GRAMD1B: variants seen among roughly 807,000 people sequenced by gnomAD.
GRAMD1B encodes protein Aster-B.
A neutral mutation model predicts 99.7 loss-of-function variants in GRAMD1B; 37 were observed. That is an observed-to-expected ratio of 0.37 (90% CI 0.29 to 0.49). GRAMD1B has a LOEUF of 0.49. GRAMD1B is among the 20% of genes least tolerant of loss of function. The pLI is 0.98. For missense variants in GRAMD1B, 888 were observed against 1,009.2 expected (o/e 0.88, Z 1.63); for synonymous variants, 427 against 387.6 (o/e 1.10, Z -1.19).
chr11:123,615,207 A>G (rs1954188760), intron 17 of GRAMD1B, among the ~76,000 whole-genome samples: 1 of 152,200 alleles, frequency 6.6e-6, no homozygotes, highest in African/African-American at 2.4e-5. Context: ...CCTTCATTAG[A>G]TGTTCTGGGT....
At chr11:123,578,700 G>T (rs902711521) in intron 3 of GRAMD1B, among the ~76,000 whole-genome samples, 2 of 152,176 alleles carry the variant, frequency 1.3e-5, no homozygotes, top group Non-Finnish European at 2.9e-5. Context: ...ACTGCCTCTG[G>T]CTGGGAGTTT....
chr11:123,446,254 C>G (rs953784772), intron 1 of GRAMD1B, among the ~76,000 whole-genome samples: 7 of 152,138 alleles, frequency 4.6e-5, no homozygotes, highest in African/African-American at 1.7e-4. Context: ...CACCCTCCAC[C>G]TCCCAGGTTC....
At chr11:123,496,136 A>T (rs1939229663) in intron 2 of GRAMD1B, among the ~76,000 whole-genome samples, 1 of 152,140 alleles carries the variant, frequency 6.6e-6, no homozygotes, top group African/African-American at 2.4e-5. Context: ...TTCTTATAGG[A>T]CAGGTCTGGA....
chr11:123,382,898 C>T (rs562802336), intron 1 of GRAMD1B, among the ~76,000 whole-genome samples: 1 of 152,256 alleles, frequency 6.6e-6, no homozygotes, highest in East Asian at 1.9e-4. Flanking sequence ...GGGACAAGCC[C>T]CTGTCCCAAT....
At chr11:123,414,203 C>G (rs184420885) in intron 1 of GRAMD1B, among the ~76,000 whole-genome samples, 4 of 152,192 alleles carry the variant, frequency 2.6e-5, no homozygotes, top group African/African-American at 7.2e-5. Flanking sequence ...TACCACCATG[C>G]CTGGCTAATT....
intron 2 of GRAMD1B, among the ~76,000 whole-genome samples, chr11:123,574,670 G>C (rs1948524150): frequency 6.6e-6 from 1 of 152,172 alleles, no homozygotes; most frequent in Admixed American, 6.5e-5. Flanking sequence ...GGTCTGGGAG[G>C]AAAGATGTCC....
At chr11:123,402,311 C>G (rs1947695240) in intron 1 of GRAMD1B, among the ~76,000 whole-genome samples, 1 of 152,190 alleles carries the variant, frequency 6.6e-6, no homozygotes, top group Non-Finnish European at 1.5e-5. Flanking sequence ...GCCACCACGC[C>G]CGGCCAAGGA....
At chr11:123,405,631 G>A (rs188459722) in intron 1 of GRAMD1B, among the ~76,000 whole-genome samples, 3 of 152,232 alleles carry the variant, frequency 2.0e-5, no homozygotes, top group African/African-American at 7.2e-5. Flanking sequence ...GGGAGATACG[G>A]CCTGTACCAA....
chr11:123,500,968 C>T (rs1016737725), intron 2 of GRAMD1B, among the ~76,000 whole-genome samples: 1 of 152,084 alleles, frequency 6.6e-6, no homozygotes, highest in African/African-American at 2.4e-5. Flanking sequence ...GCCACCATGC[C>T]TGGCAATAGA....
chr11:123,371,662 C>A (rs1026529953), intron 1 of GRAMD1B, among the ~76,000 whole-genome samples: 1 of 152,182 alleles, frequency 6.6e-6, no homozygotes, highest in African/African-American at 2.4e-5. Flanking sequence ...TGCTTTTTTA[C>A]AAGTGTTGTC....
At chr11:123,608,439 T>G in intron 11 of GRAMD1B, 1 of 1,430,612 alleles carries the variant, frequency 7.0e-7, no homozygotes, top group Non-Finnish European at 9.4e-7. Context: ...ATGGGTAGTG[T>G]CAGCTAAAGG....
intron 2 of GRAMD1B, among the ~76,000 whole-genome samples, chr11:123,535,419 G>A (rs1394055170): frequency 1.3e-5 from 2 of 152,114 alleles, no homozygotes; most frequent in Non-Finnish European, 2.9e-5. Flanking sequence ...TCTAAAGCCT[G>A]TGCTCTCGAC....
chr11:123,425,237 G>A (rs80030871), intron 1 of GRAMD1B, among the ~76,000 whole-genome samples: 2,147 of 152,270 alleles, frequency 0.014, 44 homozygotes, highest in East Asian at 0.12. Context: ...ATCACTAGTC[G>A]GTAGTTAGTA....
At chr11:123,464,065 G>T (rs551188310) in intron 1 of GRAMD1B, among the ~76,000 whole-genome samples, 17 of 152,090 alleles carry the variant, frequency 1.1e-4, no homozygotes, top group Non-Finnish European at 2.5e-4. Flanking sequence ...CACTTTGGGA[G>T]GCCAAGGTGG....
At chr11:123,480,399 C>T (rs561348005) in intron 1 of GRAMD1B, among the ~76,000 whole-genome samples, 2 of 152,172 alleles carry the variant, frequency 1.3e-5, no homozygotes, top group South Asian at 4.2e-4. Context: ...CTCACACCCT[C>T]CCCACAACAC....
chr11:123,370,337 C>CTTTT lies in GRAMD1B; in HGVS notation c.-176+11556_-176+11559dup, dbSNP rs1163332610. Reference sequence around the variant, plus strand: ...TCTAAAAAAAAAAAAGAAGTTATCTCTTTTTTTTTTTTTTTTTTTTTGAGA... The same window carrying CTTTT: ...TCTAAAAAAAAAAAAGAAGTTATCTCTTTTTTTTTTTTTTTTTTTTTTTTTGAGA... On this transcript the variant is annotated intron_variant, in intron 1 of 20. Coordinates refer to the GRAMD1B transcript ENST00000638157. Among the ~76,000 whole-genome samples the CTTTT allele has an allele frequency of 1.0e-3, 105 of 102,820 alleles. 1 individual carries two copies. The highest frequency in any genetic ancestry group is 3.2e-3 in the African/African-American group (68 of 20,952). 67.5% of individuals were successfully genotyped at this position (102,820 alleles called of 152,430 possible). A position where few individuals can be genotyped will look rare whatever the true frequency, so the allele number is the denominator to read the frequency against.
rs939187728 is a variant in GRAMD1B, at chr11:123,598,876, G to C, written c.970-1592G>C. On this transcript the variant is annotated intron_variant, in intron 7 of 19. Transcript: ENST00000635736. ...TTCACTCTATCTGTGTAATCCTGAA[G>C]GTACTCAAGCAGCATCTCTAGGTAT... The C allele has an allele frequency of 6.5e-6, 9 of 1,382,368 alleles. No individual in the cohort carries two copies. In the African/African-American group the frequency reaches 1.0e-4, roughly 15 times the overall value. The allele number at this position is 1,382,368 out of a possible 1,614,324, so 85.6% of individuals were successfully genotyped here.
intron 2 of GRAMD1B, among the ~76,000 whole-genome samples, chr11:123,500,094 G>A (rs548203230): frequency 1.3e-5 from 2 of 152,300 alleles, no homozygotes; most frequent in African/African-American, 4.8e-5. Flanking sequence ...TTGGGAGGCC[G>A]AGGCAGGCAG....
intron 1 of GRAMD1B, among the ~76,000 whole-genome samples, chr11:123,374,685 T>C (rs1197168965): frequency 6.6e-6 from 1 of 152,246 alleles, no homozygotes; most frequent in African/African-American, 2.4e-5. Flanking sequence ...CTGCTTTTAT[T>C]TCTAGCTCAC....
Sources: gnomAD v4.1 joint callset for allele counts (sites outside exome capture counted in the v4.1 genomes callset) on GRCh38, gnomAD v4.1.1 for gene constraint, MANE v1.5 for transcripts, NCBI Gene and HGNC (gene_info 2026-07-23, HGNC 2026-07-21) for gene names.